ARL15: variants seen among roughly 807,000 people sequenced by gnomAD.
ARL15 encodes the protein ADP-ribosylation factor-like protein 15.
Under a neutral mutation model 25.2 loss-of-function variants are expected in ARL15, and 19 were observed. That is an observed-to-expected ratio of 0.75 (90% CI 0.53 to 1.10). The LOEUF (loss-of-function observed/expected upper bound fraction) is 1.10. ARL15 is among the 50% of genes least tolerant of loss of function. The probability of loss-of-function intolerance (pLI) is 0.00; values close to 1 mark genes in which losing one functional copy is unlikely to be tolerated. For missense variants in ARL15, 220 were observed against 246.0 expected, an observed-to-expected ratio of 0.89 and a Z score of 0.71; for synonymous variants, 94 against 86.8, an observed-to-expected ratio of 1.08 and a Z score of -0.46.
intron 4 of ARL15, among the ~76,000 whole-genome samples, chr5:54,112,465 C>T (rs1263110662): frequency 1.3e-5 from 2 of 152,090 alleles, no homozygotes; most frequent in East Asian, 3.8e-4. Flanking sequence ...GAAATCATAT[C>T]CTGAAAGTTA....
chr5:53,893,959 A>G (rs942582964), intron 4 of ARL15, among the ~76,000 whole-genome samples: 2 of 152,242 alleles, frequency 1.3e-5, no homozygotes, highest in African/African-American at 4.8e-5. Flanking sequence ...ATGTCATTAA[A>G]GGCAGAAATA....
chr5:53,915,946 A>G lies in ARL15; in HGVS notation c.463-29233T>C, dbSNP rs1745630385. On this transcript the variant is annotated intron_variant, in intron 4 of 4. Coordinates refer to ENST00000504924, the MANE Select transcript of ARL15 (RefSeq NM_019087.3). Reference sequence around the variant, plus strand: ...TAGAAATTCTAAAACTTGCTCTTTCACTCAGGTTGAAGTGCAGTGGCATGG... The same window carrying G: ...TAGAAATTCTAAAACTTGCTCTTTCGCTCAGGTTGAAGTGCAGTGGCATGG... 3.3e-5 allele frequency among the ~76,000 whole-genome samples: 5 copies of G among 152,248 alleles called. 1 individual carries two copies. Among genetic ancestry groups the G allele is most frequent in the Admixed American group, 3.3e-4 (5 of 15,294 alleles).
intron 4 of ARL15, among the ~76,000 whole-genome samples, chr5:53,898,721 C>G (rs1206822165): frequency 2.0e-5 from 3 of 151,926 alleles, no homozygotes; most frequent in Non-Finnish European, 4.4e-5. Context: ...TCATGGCTCA[C>G]TGTAGCCTCA....
At chr5:54,268,820 C>T (rs1757699328) in intron 1 of ARL15, among the ~76,000 whole-genome samples, 1 of 152,110 alleles carries the variant, frequency 6.6e-6, no homozygotes, top group African/African-American at 2.4e-5. Context: ...TGGAACCAAC[C>T]CAAATGTCCA....
chr5:53,897,208 T>TAG (rs1744902017), intron 4 of ARL15, among the ~76,000 whole-genome samples: 1 of 152,216 alleles, frequency 6.6e-6, no homozygotes, highest in African/African-American at 2.4e-5. Context: ...TTCTGTCATC[T>TAG]AGAGAGAAAC....
intron 2 of ARL15, among the ~76,000 whole-genome samples, chr5:54,163,648 A>G (rs1407876930): frequency 6.6e-6 from 1 of 151,894 alleles, no homozygotes; most frequent in Non-Finnish European, 1.5e-5. Context: ...TTGTCCTTCA[A>G]GGAAATTGTC....
At chr5:53,924,844 A>G (rs1034446277) in intron 4 of ARL15, among the ~76,000 whole-genome samples, 5 of 152,184 alleles carry the variant, frequency 3.3e-5, no homozygotes, top group Non-Finnish European at 5.9e-5. Flanking sequence ...ATCAAATACA[A>G]TGTAATTTGG....
At chr5:54,193,933 G>A (rs573349056) in intron 1 of ARL15, among the ~76,000 whole-genome samples, 1 of 152,042 alleles carries the variant, frequency 6.6e-6, no homozygotes, top group African/African-American at 2.4e-5. Context: ...TGGGGGCTAG[G>A]ATGATATTAA....
chr5:54,236,447 A>C (rs1045974981), intron 1 of ARL15, among the ~76,000 whole-genome samples: 1 of 143,166 alleles, frequency 7.0e-6, no homozygotes, highest in Admixed American at 6.9e-5. Flanking sequence ...CACACACACA[A>C]ATCAGTAGTA....
At chr5:54,021,074 G>A (rs903226847) in intron 4 of ARL15, among the ~76,000 whole-genome samples, 7 of 152,026 alleles carry the variant, frequency 4.6e-5, no homozygotes, top group South Asian at 2.1e-4. Context: ...AGTGGCTCAC[G>A]CCTGTAATCC....
chr5:54,135,261 G>A (rs548629440), intron 3 of ARL15, among the ~76,000 whole-genome samples: 18 of 152,080 alleles, frequency 1.2e-4, no homozygotes, highest in Non-Finnish European at 2.2e-4. Flanking sequence ...GCTATGATTC[G>A]TGTTGTTGGC....
chr5:54,070,128 C>T (rs911160626), intron 4 of ARL15, among the ~76,000 whole-genome samples: 2 of 151,534 alleles, frequency 1.3e-5, no homozygotes, highest in Non-Finnish European at 2.9e-5. Flanking sequence ...CGGTGGCTCA[C>T]GCCAGTAATC....
chr5:53,999,498 G>A (rs553256181), intron 4 of ARL15, among the ~76,000 whole-genome samples: 3 of 152,202 alleles, frequency 2.0e-5, no homozygotes, highest in South Asian at 2.1e-4. Context: ...GCTGAGGCAC[G>A]GAGAATCACT....
At chr5:54,112,872 C>G (rs1173331116) in intron 4 of ARL15, among the ~76,000 whole-genome samples, 1 of 152,106 alleles carries the variant, frequency 6.6e-6, no homozygotes, top group Non-Finnish European at 1.5e-5. Flanking sequence ...CCTAGAAAAG[C>G]TGAAGAAGAG....
chr5:54,167,378 C>A (rs921099299), intron 2 of ARL15, among the ~76,000 whole-genome samples: 11 of 152,202 alleles, frequency 7.2e-5, no homozygotes, highest in African/African-American at 2.7e-4. Flanking sequence ...TCCACCTCAG[C>A]TCCCTCTGGA....
chr5:54,184,469 A>G lies in ARL15; in HGVS notation c.49-12541T>C, dbSNP rs867169997. 3.1e-3 allele frequency among the ~76,000 whole-genome samples: 392 copies of G among 124,654 alleles called. 1 individual carries two copies. The highest frequency in any genetic ancestry group is 7.8e-3 in the African/African-American group (273 of 34,834). 81.8% of individuals were successfully genotyped at this position (124,654 alleles called of 152,430 possible). On this transcript the variant is annotated intron_variant, in intron 1 of 4. Coordinates refer to ENST00000504924, the MANE Select transcript of ARL15 (RefSeq NM_019087.3). ...AAAAAAAAAAAAAAAAAAAAAAAAA[A>G]AGAGAGAGAGAGAGACTAGGTTCCA...
At chr5:54,263,728 G>A (rs1757554191) in intron 1 of ARL15, among the ~76,000 whole-genome samples, 1 of 152,106 alleles carries the variant, frequency 6.6e-6, no homozygotes, top group Admixed American at 6.6e-5. Context: ...CTGAGCAACA[G>A]GGATAGAGCA....
At chr5:53,900,623 T>C (rs1745036459) in intron 4 of ARL15, among the ~76,000 whole-genome samples, 1 of 151,922 alleles carries the variant, frequency 6.6e-6, no homozygotes, top group Non-Finnish European at 1.5e-5. Context: ...TTGAAAAAAA[T>C]AGATTTAAAT....
At chr5:54,303,052 C>T (rs1579995332) in intron 1 of ARL15, among the ~76,000 whole-genome samples, 1 of 152,162 alleles carries the variant, frequency 6.6e-6, no homozygotes, top group Non-Finnish European at 1.5e-5. Flanking sequence ...AACAAGCTTT[C>T]CTTCTCTTTA....
Sources: allele counts gnomAD v4.1 joint callset (sites outside exome capture counted in the v4.1 genomes callset), GRCh38; gene constraint gnomAD v4.1.1; transcripts MANE v1.5; gene names NCBI Gene and HGNC (gene_info 2026-07-23, HGNC 2026-07-21).